EIF3B: variants seen among roughly 807,000 people sequenced by gnomAD.
The protein encoded by EIF3B is eukaryotic translation initiation factor 3 subunit 9.
In EIF3B, 10 loss-of-function variants were observed where a neutral mutation model predicts 104.6. That is an observed-to-expected ratio of 0.10 (90% CI 0.06 to 0.16). The LOEUF is 0.16. EIF3B is among the 10% of genes least tolerant of loss of function. The pLI is 1.00. For missense variants in EIF3B, 1,014 were observed against 1,087.9 expected (o/e 0.93, Z 0.96); for synonymous variants, 542 against 417.2 (o/e 1.30, Z -3.65).
intron 2 of EIF3B, among the ~76,000 whole-genome samples, chr7:2,361,484 A>G (rs553897467): frequency 3.0e-4 from 45 of 152,130 alleles, no homozygotes; most frequent in African/African-American, 9.6e-4. Flanking sequence ...CAGTGTCGCA[A>G]TCTCGGCTCA....
chr7:2,354,793 C>CACG, upstream of EIF3B: 1 of 936,312 alleles, frequency 1.1e-6, no homozygotes, highest in Non-Finnish European at 1.3e-6. Context: ...CCCCCCGCCC[C>CACG]GCGGCCTTGG....
Position 2,366,339 on chromosome 7 carries a change from C to T in EIF3B, c.1180C>T (p.Leu394=), listed in dbSNP as rs1172601808. ...TAGGTACCTGGTGACCTTTAGCCCC[C>T]TGATGGACACGCAGGATGACCCTCA... The part of the protein sequence containing the change: ...CERYLVTFSP[L]MDTQDDPQAI... Residue 394 remains leucine (L), a synonymous_variant, in exon 7 of 19, where the codon CTG becomes TTG. Coordinates refer to ENST00000360876, the MANE Select transcript of EIF3B (RefSeq NM_001037283.2). 6.2e-7 allele frequency: 1 copy of T among 1,611,786 alleles called. No individual in the cohort carries two copies. The highest frequency in any genetic ancestry group is 2.2e-5 in the East Asian group (1 of 44,874).
chr7:2,365,667 GTTTGTTTGTTTTGT>G (rs372767220), intron 6 of EIF3B, among the ~76,000 whole-genome samples: 41,167 of 107,250 alleles, frequency 0.38, 6,602 homozygotes, highest in African/African-American at 0.57. Flanking sequence ...TTGTTTGTTT[GTTTGTTTGTTTTGT>G]TTTTTTTTTT....
intron 13 of EIF3B, 21 bp downstream of exon 13, chr7:2,374,627 C>T: frequency 1.2e-6 from 2 of 1,609,406 alleles, no homozygotes; most frequent in Non-Finnish European, 1.7e-6. Context: ...GCGCTCTGAG[C>T]CTGTCCGCCC....
intron 1 of EIF3B, among the ~76,000 whole-genome samples, chr7:2,356,596 C>T (rs1310745015): frequency 7.1e-6 from 1 of 141,360 alleles, no homozygotes; most frequent in East Asian, 2.0e-4. Flanking sequence ...GAGCAAGACT[C>T]CGTCTCAAAA....
chr7:2,374,647 C>T (rs774981845), intron 13 of EIF3B, 41 bp downstream of exon 13: 12 of 1,583,000 alleles, frequency 7.6e-6, no homozygotes, highest in African/African-American at 2.7e-5. Flanking sequence ...CTGTGAGTAG[C>T]GCTCTGCTGT....
At chr7:2,362,211 T>A (rs1188812802) in intron 2 of EIF3B, among the ~76,000 whole-genome samples, 1 of 151,826 alleles carries the variant, frequency 6.6e-6, no homozygotes, top group East Asian at 1.9e-4. Flanking sequence ...CTGCCCACCT[T>A]GGCCTCCCAA....
In EIF3B at chr7:2,379,213, A is replaced by G; in HGVS notation, c.2312A>G (p.Gln771Arg). ...RKMAQELYME[Q>R]KNERLELRGG... Reference sequence around the variant, plus strand: ...ATGGCCCAGGAGCTCTATATGGAGCAGAAAAACGAGCGCCTGGAGTTGCGA... The same window carrying G: ...ATGGCCCAGGAGCTCTATATGGAGCGGAAAAACGAGCGCCTGGAGTTGCGA... The change falls in exon 17 of 19, where the codon CAG becomes CGG. Residue 771 changes from glutamine (Q) to arginine (R), a missense_variant. This residue lies in a region of EIF3B where 266 missense variants were observed against 324.0 expected (regional missense o/e 0.82). Transcript: ENST00000360876. 1.2e-6 allele frequency: 2 copies of G among 1,613,444 alleles called. No individual in the cohort carries two copies. Among genetic ancestry groups the G allele is most frequent in the Non-Finnish European group, 1.7e-6 (2 of 1,179,698 alleles).
chr7:2,378,432 G>A, intron 15 of EIF3B: 2 of 244,340 alleles, frequency 8.2e-6, no homozygotes, highest in South Asian at 3.5e-5. Context: ...GAAGGAGCAG[G>A]CGCGAGCGCT....
rs1226620615 is a variant in EIF3B at position 2,376,821 on chromosome 7, C to T, written c.2029-129C>T. Reference sequence around the variant, plus strand: ...CTGCCCACCTACCCTGCTGTCAGCTCAGCACAGGCAGAGCTTTGTTTGCTT... The same window carrying T: ...CTGCCCACCTACCCTGCTGTCAGCTTAGCACAGGCAGAGCTTTGTTTGCTT... On this transcript the variant is annotated intron_variant, in intron 14 of 18. Transcript: ENST00000360876. 6.5e-6 allele frequency: 9 copies of T among 1,381,478 alleles called. No homozygotes were observed. In the East Asian group the frequency reaches 1.7e-4, roughly 26 times the overall value. 85.6% of individuals were successfully genotyped at this position (1,381,478 alleles called of 1,614,324 possible).
At chr7:2,366,637 G>T in intron 8 of EIF3B, 46 bp downstream of exon 8, 1 of 1,602,574 alleles carries the variant, frequency 6.2e-7, no homozygotes, top group South Asian at 1.1e-5. Flanking sequence ...GTCCTTGCTT[G>T]TAACCGGGGT....
intron 1 of EIF3B, 126 bp from the exon 2 acceptor site, chr7:2,360,584 T>G (rs947920160): frequency 2.7e-6 from 2 of 747,196 alleles, no homozygotes; most frequent in Non-Finnish European, 4.1e-6. Flanking sequence ...TAGGATTTCT[T>G]TTGCTCACAG....
intron 13 of EIF3B, chr7:2,374,883 C>G (rs766248196): frequency 1.1e-5 from 4 of 371,358 alleles, no homozygotes; most frequent in Non-Finnish European, 1.5e-5. Context: ...TGTGGTTAAA[C>G]AAGTGCCTTC....
chr7:2,377,613 C>T (rs112896733), intron 15 of EIF3B, among the ~76,000 whole-genome samples: 93 of 76,812 alleles, frequency 1.2e-3, no homozygotes, highest in Non-Finnish European at 1.8e-3. Flanking sequence ...GGAGCAGGCG[C>T]GAGCTCTCCT....
Position 2,355,250 on chromosome 7 carries a change from A to G in EIF3B, c.329A>G (p.Glu110Gly). The G allele has an allele frequency of 6.6e-7, 1 of 1,526,158 alleles. No homozygotes were observed. The highest frequency in any genetic ancestry group is 8.7e-7 in the Non-Finnish European group (1 of 1,143,610). The allele number at this position is 1,526,158 out of a possible 1,614,324, so 94.5% of individuals were successfully genotyped here. ...PVPAQGEAPG[E>G]QARDERSDSR... ...CCGGCACAGGGCGAGGCCCCAGGAG[A>G]GCAGGCTCGGGACGAGCGCTCCGAC... Residue 110 changes from glutamate to glycine, a missense_variant, in exon 1 of 19, where the codon GAG (glutamate) becomes GGG (glycine). Physicochemically the swap from Glu to Gly is moderately conservative, Grantham distance 98. Transcript: ENST00000360876.
chr7:2,372,619 A>C, intron 11 of EIF3B, 54 bp from the exon 12 acceptor site: 1 of 1,584,780 alleles, frequency 6.3e-7, no homozygotes, highest in Non-Finnish European at 8.6e-7. Flanking sequence ...ACTGATCAAG[A>C]GCACTATGTT....
chr7:2,379,727 C>T, intron 18 of EIF3B: 1 of 541,378 alleles, frequency 1.8e-6, no homozygotes, highest in Non-Finnish European at 3.3e-6. Context: ...TGGCGCCTTT[C>T]AGGCAGTGCT....
intron 15 of EIF3B, among the ~76,000 whole-genome samples, chr7:2,377,462 A>G (rs1780696238): frequency 6.6e-6 from 1 of 151,876 alleles, no homozygotes; most frequent in African/African-American, 2.4e-5. Context: ...TCTCAAAGTG[A>G]AAGATGGAGG....
At position 2,362,221 on chromosome 7, in the gene EIF3B, A is replaced by T. The variant is rs571485665; in HGVS notation, c.693-424A>T. Among the ~76,000 whole-genome samples the T allele has an allele frequency of 3.2e-4, 49 of 152,296 alleles. No individual in the cohort carries two copies. In the East Asian group the frequency reaches 4.6e-3, roughly 14 times the overall value. On this transcript the variant is annotated intron_variant, in intron 2 of 18. Transcript: ENST00000360876. ...GTGATCTGCCCACCTTGGCCTCCCA[A>T]AGTGCTGGGATTACAGGTGTGAACC...
Sources: allele counts gnomAD v4.1 joint callset (sites outside exome capture counted in the v4.1 genomes callset), GRCh38; gene constraint gnomAD v4.1.1; regional missense constraint gnomAD v4.1.1; transcripts MANE v1.5; gene names NCBI Gene and HGNC (gene_info 2026-07-23, HGNC 2026-07-21).